TLE4: variants seen among roughly 807,000 people sequenced by gnomAD.
TLE4 encodes transducin-like enhancer protein 4.
A neutral mutation model predicts 92.8 loss-of-function variants in TLE4; 8 were observed. That is an observed-to-expected ratio of 0.09 (90% CI 0.05 to 0.16). The LOEUF (loss-of-function observed/expected upper bound fraction) is 0.16. Among genes scored for constraint, TLE4 ranks in the 10% least tolerant of loss-of-function variants. The pLI is 1.00. For missense variants in TLE4, 675 were observed against 997.6 expected (o/e 0.68, Z 4.36); for synonymous variants, 371 against 374.1 (o/e 0.99, Z 0.10).
Position 79,639,321 on chromosome 9 carries a change from A to ATAGT in TLE4, c.390+11876_390+11879dup, listed in dbSNP as rs555551265. ...AGAGGAACTATCTTAACTCAAATAT[A>ATAGT]TAGTTACATGCCATATAATAATGTT... On this transcript the variant is annotated intron_variant, in intron 6 of 19. Transcript: ENST00000376552. 1.3e-4 allele frequency among the ~76,000 whole-genome samples: 20 copies of ATAGT among 152,316 alleles called. No homozygotes were observed. The East Asian group carries it at 3.9e-3, about 29-fold the overall frequency.
intron 6 of TLE4, among the ~76,000 whole-genome samples, chr9:79,634,653 T>C (rs2055221324): frequency 6.6e-6 from 1 of 152,140 alleles, no homozygotes; most frequent in Admixed American, 6.6e-5. Flanking sequence ...TAGTCAGTCA[T>C]TTTTTTCTAT....
chr9:79,631,615 A>AGTGTGTGT (rs2054218595), intron 6 of TLE4, among the ~76,000 whole-genome samples: 3 of 29,652 alleles, frequency 1.0e-4, no homozygotes, highest in South Asian at 1.8e-3. Flanking sequence ...TTGAACCTTA[A>AGTGTGTGT]ATGTGTGTGT....
intron 4 of TLE4, among the ~76,000 whole-genome samples, chr9:79,607,212 T>C (rs1007280096): frequency 6.6e-5 from 10 of 152,214 alleles, no homozygotes; most frequent in Admixed American, 1.3e-4. Flanking sequence ...CACTTTTTGA[T>C]GGGGTTGTTT....
intron 4 of TLE4, among the ~76,000 whole-genome samples, chr9:79,601,725 A>G (rs945011661): frequency 1.3e-5 from 2 of 152,182 alleles, no homozygotes; most frequent in East Asian, 3.9e-4. Context: ...CTGAGACAAC[A>G]GTATTGAAAT....
At chr9:79,654,378 G>C (rs2059469339) in intron 8 of TLE4, among the ~76,000 whole-genome samples, 1 of 151,836 alleles carries the variant, frequency 6.6e-6, no homozygotes, top group Non-Finnish European at 1.5e-5. Context: ...TTAGGCTTTG[G>C]CTGTAAGATA....
chr9:79,681,336 G>GTT (rs1484979101), intron 8 of TLE4, among the ~76,000 whole-genome samples: 1 of 151,976 alleles, frequency 6.6e-6, no homozygotes, highest in Non-Finnish European at 1.5e-5. Flanking sequence ...ACGTTATTTT[G>GTT]TTTTTTATGT....
chr9:79,584,099 G>C (rs2040441172), intron 4 of TLE4, among the ~76,000 whole-genome samples: 1 of 152,216 alleles, frequency 6.6e-6, no homozygotes, highest in East Asian at 1.9e-4. Context: ...GAGAGTCACT[G>C]GCAGAAGAGG....
intron 8 of TLE4, among the ~76,000 whole-genome samples, chr9:79,673,894 G>T (rs963675228): frequency 6.6e-6 from 1 of 152,012 alleles, no homozygotes; most frequent in Non-Finnish European, 1.5e-5. Context: ...TTCCAGTCAC[G>T]CCTCTCCATG....
chr9:79,680,465 C>T (rs916982913), intron 8 of TLE4, among the ~76,000 whole-genome samples: 33 of 152,150 alleles, frequency 2.2e-4, no homozygotes, highest in African/African-American at 7.7e-4. Flanking sequence ...GTGATTTTTG[C>T]ACATTGATTT....
intron 3 of TLE4, 120 bp downstream of exon 3, chr9:79,575,056 A>G: frequency 1.3e-6 from 1 of 761,146 alleles, no homozygotes; most frequent in South Asian, 1.6e-5. Context: ...GTGCAGTTGA[A>G]GTTGTGGGAA....
chr9:79,709,565 T>G (rs2072683251), intron 13 of TLE4, 58 bp from the exon 14 acceptor site: 1 of 1,495,922 alleles, frequency 6.7e-7, no homozygotes, highest in African/African-American at 1.4e-5. Flanking sequence ...TTGAGAAGGA[T>G]AAAACAAGTC....
At chr9:79,670,289 C>A (rs980538911) in intron 8 of TLE4, among the ~76,000 whole-genome samples, 1 of 152,074 alleles carries the variant, frequency 6.6e-6, no homozygotes, top group East Asian at 1.9e-4. Flanking sequence ...ACTACACCGA[C>A]TTGACTCAGC....
chr9:79,677,493 A>C (rs1464981548), intron 8 of TLE4, among the ~76,000 whole-genome samples: 1 of 152,008 alleles, frequency 6.6e-6, no homozygotes, highest in Non-Finnish European at 1.5e-5. Context: ...AACTCTACTT[A>C]GTTGAAAGTA....
At chr9:79,602,451 A>G (rs966248891) in intron 4 of TLE4, among the ~76,000 whole-genome samples, 3 of 152,210 alleles carry the variant, frequency 2.0e-5, no homozygotes, top group South Asian at 2.1e-4. Context: ...CTTGAAGCCA[A>G]TGCTCATTTA....
chr9:79,704,979 C>T, intron 9 of TLE4, 77 bp downstream of exon 9: 2 of 1,576,428 alleles, frequency 1.3e-6, no homozygotes, highest in East Asian at 2.2e-5. Context: ...TTGACTATTA[C>T]CAGCCAACAC....
chr9:79,658,173 T>G (rs2060024708), intron 8 of TLE4, among the ~76,000 whole-genome samples: 1 of 152,198 alleles, frequency 6.6e-6, no homozygotes, highest in Admixed American at 6.5e-5. Flanking sequence ...AGTGCCAAAT[T>G]GATCTCCTAA....
At chr9:79,693,661 G>A (rs2067565605) in intron 8 of TLE4, 2 of 517,844 alleles carry the variant, frequency 3.9e-6, no homozygotes, top group South Asian at 2.8e-5. Flanking sequence ...CACAAAAGTT[G>A]TACCTCTGCT....
chr9:79,695,732 C>T (rs1158980974), intron 8 of TLE4, among the ~76,000 whole-genome samples: 1 of 152,154 alleles, frequency 6.6e-6, no homozygotes, highest in Non-Finnish European at 1.5e-5. Context: ...GAGGGAGCTC[C>T]TTGGATAGCA....
chr9:79,630,063 A>G (rs2053773147), intron 6 of TLE4, among the ~76,000 whole-genome samples: 1 of 152,176 alleles, frequency 6.6e-6, no homozygotes, highest in Admixed American at 6.5e-5. Flanking sequence ...TTGAGAGGCA[A>G]AGACCCATCT....
Sources: gnomAD v4.1 joint callset for allele counts (sites outside exome capture counted in the v4.1 genomes callset) on GRCh38, gnomAD v4.1.1 for gene constraint, MANE v1.5 for transcripts, NCBI Gene and HGNC (gene_info 2026-07-23, HGNC 2026-07-21) for gene names.